CLEC7A: variants seen among roughly 807,000 people sequenced by gnomAD.
CLEC7A encodes C-type lectin domain family 7 member A.
CLEC7A carries 25 observed loss-of-function variants against 26.9 expected under a neutral mutation model. The observed-to-expected ratio is 0.93, with a 90% confidence interval of 0.68 to 1.30. CLEC7A has a LOEUF of 1.30. CLEC7A is among the 50% of genes most tolerant of loss of function. CLEC7A has a pLI of 0.00. For synonymous variants in CLEC7A, 100 were observed against 99.5 expected, an observed-to-expected ratio of 1.01 and a Z score of -0.03; for missense variants, 275 against 286.7, an observed-to-expected ratio of 0.96 and a Z score of 0.29.
intron 3 of CLEC7A, 73 bp downstream of exon 3, chr12:10,126,498 C>T: frequency 2.0e-6 from 3 of 1,507,762 alleles, no homozygotes; most frequent in Non-Finnish European, 2.7e-6. Context: ...TTTCTTTACA[C>T]CCCTGCCCCA....
In CLEC7A at chr12:10,125,347, A is replaced by C. The variant is rs746386372; in HGVS notation, c.442T>G (p.Cys148Gly). The change falls in exon 4 of 6, where the codon TGC becomes GGC. Residue 148 changes from cysteine (C) to glycine (G), a missense_variant. Cys to Gly is a radical substitution (Grantham distance 159). Coordinates refer to ENST00000304084, the MANE Select transcript of CLEC7A (RefSeq NM_197947.3). ...LNSWDGSKRQ[C>G]WQLGSNLLKI... ...AGGAGATTAGAGCCCAGTTGCCAGCATTGTCTTTTACTTCCATCCCAGGAA... is the reference window on the plus strand; with the variant it reads ...AGGAGATTAGAGCCCAGTTGCCAGCCTTGTCTTTTACTTCCATCCCAGGAA... 1 of 1,613,806 alleles carries C rather than the reference A, an allele frequency of 6.2e-7. No individual in the cohort carries two copies. The highest frequency in any genetic ancestry group is 8.5e-7 in the Non-Finnish European group (1 of 1,179,918).
intron 1 of CLEC7A, among the ~76,000 whole-genome samples, chr12:10,129,752 G>A (rs1429006797): frequency 6.6e-6 from 1 of 152,066 alleles, no homozygotes; most frequent in Non-Finnish European, 1.5e-5. Context: ...CAAGTACCTG[G>A]AACTACAGGC....
At chr12:10,121,475 ACG>A (rs10586147) in intron 5 of CLEC7A, among the ~76,000 whole-genome samples, 5,895 of 152,264 alleles carry the variant, frequency 0.039, 377 homozygotes, top group African/African-American at 0.13. Context: ...AGGAAGAAGC[ACG>A]TAAAAATCAC....
Position 10,117,741 on chromosome 12 carries a change from C to A in CLEC7A, c.*717G>T, listed in dbSNP as rs573661932. 6.6e-6 allele frequency: 1 copy of A among 152,188 alleles called. No individual in the cohort carries two copies. The highest frequency in any genetic ancestry group is 2.1e-4 in the South Asian group (1 of 4,830). The allele number at this position is 152,188 out of a possible 1,614,324, so 9.4% of individuals were successfully genotyped here. A position where few individuals can be genotyped will look rare whatever the true frequency, so the allele number is the denominator to read the frequency against. On this transcript the variant is annotated 3_prime_UTR_variant, in exon 6 of 6. Transcript: ENST00000304084. ...TTTAGCTATTCAGAAATATATTTCA[C>A]CCTCAGTTCATAACTGATATACTGC...
At chr12:10,127,247 T>C in intron 2 of CLEC7A, 11 of 1,378,750 alleles carry the variant, frequency 8.0e-6, no homozygotes, top group Non-Finnish European at 1.1e-5. Context: ...CCTCAGGAAA[T>C]TTCTGGTGTA....
At chr12:10,123,616 CCGGGCGCGGTGG>C in intron 4 of CLEC7A, among the ~76,000 whole-genome samples, 1 of 144,396 alleles carries the variant, frequency 6.9e-6, no homozygotes, top group Non-Finnish European at 1.5e-5. Context: ...AAAAAATTAG[CCGGGCGCGGTGG>C]CGGGCGCCTG....
chr12:10,123,224 A>T, intron 5 of CLEC7A, 21 bp downstream of exon 5: 1 of 1,441,048 alleles, frequency 6.9e-7, no homozygotes, highest in Non-Finnish European at 9.8e-7. Flanking sequence ...AGGATGAAGC[A>T]TTGTCTCTCC....
chr12:10,128,752 A>G (rs1158996313), intron 1 of CLEC7A, among the ~76,000 whole-genome samples: 2 of 152,230 alleles, frequency 1.3e-5, no homozygotes, highest in African/African-American at 2.4e-5. Flanking sequence ...ATGCATAAAC[A>G]TGCGCATGTC....
rs889593251 is a variant in CLEC7A, at chr12:10,117,033, G to A, written c.*1425C>T. ...TTCATTCCAATAATACCATTTTACA[G>A]TAATTACTGAAAAAAATGGTAAAAA... On this transcript the variant is annotated 3_prime_UTR_variant, in exon 6 of 6. Transcript: ENST00000304084. The A allele has an allele frequency of 2.6e-5, 4 of 152,014 alleles. No homozygotes were observed. Among genetic ancestry groups the A allele is most frequent in the Admixed American group, 6.5e-5 (1 of 15,272 alleles). 9.4% of individuals were successfully genotyped at this position (152,014 alleles called of 1,614,324 possible).
chr12:10,121,877 G>A (rs1948097085), intron 5 of CLEC7A, among the ~76,000 whole-genome samples: 1 of 152,086 alleles, frequency 6.6e-6, no homozygotes, highest in Non-Finnish European at 1.5e-5. Flanking sequence ...GCATGGTGGT[G>A]AGCGCCTGTA....
chr12:10,125,626 C>T, intron 3 of CLEC7A, among the ~76,000 whole-genome samples, 178 bp from the exon 4 acceptor site: 1 of 152,128 alleles, frequency 6.6e-6, no homozygotes, highest in East Asian at 1.9e-4. Flanking sequence ...TTAAAATCTT[C>T]CTATTCATTT....
At position 10,118,548 on chromosome 12, in the gene CLEC7A, T is replaced by A. The variant is rs1211884725; in HGVS notation, c.654A>T (p.Pro218=). The part of the protein sequence containing the change: ...RTTATQENPS[P]NCVWIHVSVI... ...CTGACACGTGAATCCATACACAATT[T>A]GGAGATGGGTTTTCTTGGGTAGCTG... Residue 218 remains proline, a synonymous_variant, in exon 6 of 6, where the codon CCA becomes CCT. Coordinates refer to ENST00000304084, the MANE Select transcript of CLEC7A (RefSeq NM_197947.3). The A allele has an allele frequency of 1.2e-6, 2 of 1,613,244 alleles. No individual in the cohort carries two copies. Among genetic ancestry groups the A allele is most frequent in the Admixed American group, 1.7e-5 (1 of 59,992 alleles).
chr12:10,123,063 G>A (rs1948146798), intron 5 of CLEC7A, among the ~76,000 whole-genome samples, 182 bp downstream of exon 5: 1 of 151,590 alleles, frequency 6.6e-6, no homozygotes, highest in Admixed American at 6.6e-5. Context: ...TTCACTCTAA[G>A]GTCCTCCTCA....
At chr12:10,119,923 T>G (rs1948026073) in intron 5 of CLEC7A, among the ~76,000 whole-genome samples, 1 of 151,724 alleles carries the variant, frequency 6.6e-6, no homozygotes, top group Non-Finnish European at 1.5e-5. Context: ...TAGTGTATTC[T>G]GAAAGTTAGA....
At chr12:10,129,892 A>T in intron 1 of CLEC7A, 88 bp downstream of exon 1, 1 of 741,666 alleles carries the variant, frequency 1.3e-6, no homozygotes, top group Non-Finnish European at 2.3e-6. Flanking sequence ...TGCTGGGATT[A>T]CAGGTGTGAG....
At chr12:10,125,500 T>C in intron 3 of CLEC7A, 52 bp from the exon 4 acceptor site, 1 of 1,462,964 alleles carries the variant, frequency 6.8e-7, no homozygotes, top group Non-Finnish European at 9.2e-7. Context: ...AATTCACTCT[T>C]TTAGTGTGAA....
intron 5 of CLEC7A, among the ~76,000 whole-genome samples, chr12:10,120,820 T>G (rs1948062638): frequency 6.8e-6 from 1 of 147,372 alleles, no homozygotes. Context: ...AGTGGTGCGA[T>G]CTCGGCTCAC....
In CLEC7A at chr12:10,127,753, T is replaced by C. The variant is rs1282412906; in HGVS notation, c.196A>G (p.Thr66Ala). ...VILVIAVVLG[T>A]MAIWRSNSGS... ...TCCTCCACCAAATACTCACCCATGGTACCCAGGACCACAGCTATCACCAGT... is the reference window on the plus strand; with the variant it reads ...TCCTCCACCAAATACTCACCCATGGCACCCAGGACCACAGCTATCACCAGT... The change falls in exon 2 of 6, where the codon ACC becomes GCC. Residue 66 changes from threonine (T) to alanine (A), a missense_variant. Thr to Ala is a moderately conservative substitution (Grantham distance 58). Coordinates refer to ENST00000304084, the MANE Select transcript of CLEC7A (RefSeq NM_197947.3). 1.9e-6 allele frequency: 3 copies of C among 1,582,110 alleles called. No homozygotes were observed. The highest frequency in any genetic ancestry group is 2.6e-6 in the Non-Finnish European group (3 of 1,160,248).
intron 5 of CLEC7A, among the ~76,000 whole-genome samples, chr12:10,121,866 G>A (rs958941518): frequency 6.6e-6 from 1 of 152,032 alleles, no homozygotes; most frequent in Admixed American, 6.6e-5. Context: ...AAATTAGCCG[G>A]GCATGGTGGT....
Sources: gnomAD v4.1 joint callset for allele counts (sites outside exome capture counted in the v4.1 genomes callset) on GRCh38, gnomAD v4.1.1 for gene constraint, MANE v1.5 for transcripts, NCBI Gene and HGNC (gene_info 2026-07-23, HGNC 2026-07-21) for gene names.